SKAP1: variants seen among roughly 807,000 people sequenced by gnomAD.
The protein encoded by SKAP1 is src kinase associated phosphoprotein 1, also known as src kinase-associated phosphoprotein 1.
A neutral mutation model predicts 58.5 loss-of-function variants in SKAP1; 44 were observed. The observed-to-expected ratio is 0.75, with a 90% CI of 0.59 to 0.97. SKAP1 has a LOEUF of 0.97. Among genes scored for constraint, SKAP1 ranks in the 50% least tolerant of loss-of-function variants. SKAP1 has a pLI of 0.00. For missense variants in SKAP1, 390 were observed against 435.2 expected (o/e 0.90, Z 0.92); for synonymous variants, 127 against 149.7 (o/e 0.85, Z 1.11).
At chr17:48,197,277 A>G (rs959824590) in intron 4 of SKAP1, among the ~76,000 whole-genome samples, 1 of 148,386 alleles carries the variant, frequency 6.7e-6, no homozygotes, top group Non-Finnish European at 1.5e-5. Flanking sequence ...AAAAAAAAAA[A>G]TGCTGATTGG....
chr17:48,383,156 G>T (rs2067237669), intron 2 of SKAP1, among the ~76,000 whole-genome samples: 1 of 152,186 alleles, frequency 6.6e-6, no homozygotes, highest in African/African-American at 2.4e-5. Flanking sequence ...CCGGCTTTTA[G>T]TTGATTCCAT....
chr17:48,380,972 T>C (rs534153316), intron 2 of SKAP1, among the ~76,000 whole-genome samples: 1 of 152,334 alleles, frequency 6.6e-6, no homozygotes, highest in South Asian at 2.1e-4. Context: ...GGGCACCAAA[T>C]TGTATGCATT....
chr17:48,358,546 A>C (rs1260230079), intron 3 of SKAP1, among the ~76,000 whole-genome samples: 1 of 152,204 alleles, frequency 6.6e-6, no homozygotes, highest in Non-Finnish European at 1.5e-5. Flanking sequence ...TGAAGTGGCT[A>C]CCACCAATAA....
chr17:48,139,148 G>T (rs2144569706), intron 11 of SKAP1, among the ~76,000 whole-genome samples: 1 of 152,008 alleles, frequency 6.6e-6, no homozygotes, highest in South Asian at 2.1e-4. Flanking sequence ...CAGAGTGCTG[G>T]GATTACAGGT....
chr17:48,351,047 A>T (rs2066794122), intron 3 of SKAP1, among the ~76,000 whole-genome samples: 1 of 152,202 alleles, frequency 6.6e-6, no homozygotes, highest in South Asian at 2.1e-4. Context: ...AAGCTGAACT[A>T]TAGTAAGGTT....
chr17:48,323,207 TA>T lies in SKAP1; in HGVS notation c.280+22697del, dbSNP rs5820695. Among the ~76,000 whole-genome samples the T allele has an allele frequency of 2.6e-3, 357 of 139,218 alleles. 1 individual carries two copies. Among genetic ancestry groups the T allele is most frequent in the Middle Eastern group, 7.3e-3 (2 of 274 alleles). 91.3% of individuals were successfully genotyped at this position (139,218 alleles called of 152,430 possible). On this transcript the variant is annotated intron_variant, in intron 4 of 12. Transcript: ENST00000336915. ...AAATAGTTAAGTTTTCAGACAACAG[TA>T]AAAAAAAAAAAAGCAAGAGAAAAAG... is the stretch of plus-strand genomic sequence containing the variant.
intron 4 of SKAP1, among the ~76,000 whole-genome samples, chr17:48,321,595 G>C (rs560997414): frequency 1.2e-4 from 18 of 151,968 alleles, no homozygotes; most frequent in Non-Finnish European, 2.1e-4. Context: ...AGCCAGGATC[G>C]TCTCGATCTC....
At chr17:48,361,844 T>C (rs559641022) in intron 3 of SKAP1, among the ~76,000 whole-genome samples, 1 of 152,304 alleles carries the variant, frequency 6.6e-6, no homozygotes, top group South Asian at 2.1e-4. Flanking sequence ...CTTTTCATAA[T>C]CTTAAATTGT....
chr17:48,182,619 C>G (rs1321244546), intron 7 of SKAP1, among the ~76,000 whole-genome samples, 162 bp from the exon 8 acceptor site: 2 of 152,202 alleles, frequency 1.3e-5, no homozygotes, highest in East Asian at 3.8e-4. Context: ...ATATTTCACT[C>G]AAACTGATTT....
intron 4 of SKAP1, among the ~76,000 whole-genome samples, chr17:48,336,274 T>G (rs984365365): frequency 1.3e-5 from 2 of 152,062 alleles, no homozygotes; most frequent in African/African-American, 2.4e-5. Context: ...TAATAAACAC[T>G]TAGGCATCTT....
the SKAP1 span, among the ~76,000 whole-genome samples, chr17:48,435,417 G>C: frequency 6.6e-6 from 1 of 152,186 alleles, no homozygotes; most frequent in African/African-American, 2.4e-5. Context: ...GCTGTAGCCA[G>C]ATGAGCTGTG....
chr17:48,272,245 C>A (rs1339327136), intron 4 of SKAP1, among the ~76,000 whole-genome samples: 5 of 151,590 alleles, frequency 3.3e-5, no homozygotes, highest in African/African-American at 1.2e-4. Flanking sequence ...AATTCTTCTG[C>A]CTCAGCCTCC....
chr17:48,170,706 C>A, intron 9 of SKAP1, 47 bp from the exon 10 acceptor site: 19 of 1,383,202 alleles, frequency 1.4e-5, no homozygotes, highest in Non-Finnish European at 1.9e-5. Flanking sequence ...TTCACAGTCT[C>A]ATGTTCTTTT....
rs578142435 is a variant in SKAP1, at chr17:48,199,484, C to T, written c.281-9984G>A. Among the ~76,000 whole-genome samples, 23 of 152,288 alleles carry T rather than the reference C, an allele frequency of 1.5e-4. No homozygotes were observed. In the South Asian group the frequency reaches 3.9e-3, roughly 26 times the overall value. On this transcript the variant is annotated intron_variant, in intron 4 of 12. Coordinates refer to ENST00000336915, the MANE Select transcript of SKAP1 (RefSeq NM_003726.4). ...ACTTCCTCTCTCTACATCCAGCTGCCGAGTTGGGAGTACTCCTTCAGTTCA... is the reference window on the plus strand; with the variant it reads ...ACTTCCTCTCTCTACATCCAGCTGCTGAGTTGGGAGTACTCCTTCAGTTCA...
At chr17:48,287,911 G>A (rs908076662) in intron 4 of SKAP1, among the ~76,000 whole-genome samples, 17 of 152,224 alleles carry the variant, frequency 1.1e-4, no homozygotes, top group East Asian at 7.7e-4. Context: ...ACTCTCTTAC[G>A]TCTTACATAG....
intron 1 of SKAP1, among the ~76,000 whole-genome samples, chr17:48,416,959 C>G (rs942472077): frequency 5.3e-5 from 8 of 152,194 alleles, no homozygotes; most frequent in Non-Finnish European, 1.0e-4. Flanking sequence ...ACATCAATTA[C>G]ATAAAAGTAC....
intron 4 of SKAP1, among the ~76,000 whole-genome samples, chr17:48,272,336 T>G (rs955732784): frequency 1.3e-5 from 2 of 152,008 alleles, no homozygotes; most frequent in African/African-American, 4.8e-5. Flanking sequence ...TTCACCATGT[T>G]GGCCAGGCTG....
intron 2 of SKAP1, among the ~76,000 whole-genome samples, chr17:48,395,107 C>T (rs1032863147): frequency 1.3e-5 from 2 of 152,164 alleles, no homozygotes; most frequent in Non-Finnish European, 2.9e-5. Flanking sequence ...GAACAAGAAA[C>T]TGACTCTATC....
At chr17:48,307,071 T>C (rs1006323567) in intron 4 of SKAP1, among the ~76,000 whole-genome samples, 6 of 152,220 alleles carry the variant, frequency 3.9e-5, no homozygotes, top group African/African-American at 1.4e-4. Context: ...CATTACTTAA[T>C]ATATGAGTAT....
Sources: allele counts gnomAD v4.1 joint callset (sites outside exome capture counted in the v4.1 genomes callset), GRCh38; gene constraint gnomAD v4.1.1; transcripts MANE v1.5; gene names NCBI Gene and HGNC (gene_info 2026-07-23, HGNC 2026-07-21).